CSRNP2: variants seen among roughly 807,000 people sequenced by gnomAD.
CSRNP2 encodes the protein cysteine and serine rich nuclear protein 2.
A neutral mutation model predicts 36.6 loss-of-function variants in CSRNP2; 11 were observed. The observed-to-expected ratio is 0.30, with a 90% CI of 0.19 to 0.50. The LOEUF is 0.50. Among genes scored for constraint, CSRNP2 ranks in the 20% least tolerant of loss-of-function variants. CSRNP2 has a pLI of 0.98. For missense variants in CSRNP2, 483 were observed against 691.4 expected, an observed-to-expected ratio of 0.70 and a Z score of 3.38; for synonymous variants, 248 against 275.3, an observed-to-expected ratio of 0.90 and a Z score of 0.98.
intron 4 of CSRNP2, among the ~76,000 whole-genome samples, chr12:51,065,033 T>C (rs767195105): frequency 2.6e-5 from 4 of 152,168 alleles, no homozygotes; most frequent in Non-Finnish European, 4.4e-5. Context: ...CAGAGGAAAT[T>C]TACGAGCCTC....
chr12:51,075,734 GAACT>G (rs1397920382), intron 2 of CSRNP2, among the ~76,000 whole-genome samples: 2 of 152,120 alleles, frequency 1.3e-5, no homozygotes, highest in Non-Finnish European at 2.9e-5. Context: ...TTCTTTCCAA[GAACT>G]AATAGAGCCG....
Position 51,067,972 on chromosome 12 carries a change from G to A in CSRNP2, c.412-3C>T, listed in dbSNP as rs771779280. 3 of 1,612,252 alleles carry A rather than the reference G, an allele frequency of 1.9e-6. No individual in the cohort carries two copies. The highest frequency in any genetic ancestry group is 1.7e-5 in the Admixed American group (1 of 59,978). On this transcript the variant is annotated splice_region_variant and splice_polypyrimidine_tract_variant and intron_variant, in intron 3 of 4. Transcript: ENST00000228515. The surrounding 1 kb of genome is among the most constrained non-coding windows in gnomAD (Gnocchi z 4.1). ...TCCACTGTCCCATTCTTGGTCAGCT[G>A]CCAAGAGACAGGAAAGGTTAGCCTC...
At chr12:51,078,431 A>G (rs1939483473) in intron 1 of CSRNP2, among the ~76,000 whole-genome samples, 1 of 152,214 alleles carries the variant, frequency 6.6e-6, no homozygotes, top group Non-Finnish European at 1.5e-5. Context: ...TAAAAACTGT[A>G]ATTAAATTAA....
intron 3 of CSRNP2, among the ~76,000 whole-genome samples, 155 bp from the exon 4 acceptor site, chr12:51,068,124 T>C (rs1339226494): frequency 1.3e-5 from 2 of 152,230 alleles, no homozygotes; most frequent in Non-Finnish European, 1.5e-5. Context: ...ATGTGGCTAC[T>C]GAGCACTAGA....
rs557035353 is a variant in CSRNP2, at chr12:51,066,286, C to G, written c.708+1387G>C. On this transcript the variant is annotated intron_variant, in intron 4 of 4. Coordinates refer to ENST00000228515, the MANE Select transcript of CSRNP2 (RefSeq NM_030809.3). ...TGGCCTACATGGTGAAACGCCGTCT[C>G]TACTAAAAATACAAAAATTAGCTGG... Among the ~76,000 whole-genome samples, 13 of 152,088 alleles carry G rather than the reference C, an allele frequency of 8.5e-5. No individual in the cohort carries two copies. In the East Asian group the frequency reaches 2.5e-3, roughly 29 times the overall value.
At position 51,067,528 on chromosome 12, in the gene CSRNP2, T is replaced by G; in HGVS notation, c.708+145A>C. ...GGCCGTGTGCTGTTTGCTTACTCTG[T>G]TGACGGAGGAGGGTTGTGGAACTGG... On this transcript the variant is annotated intron_variant, in intron 4 of 4. Transcript: ENST00000228515. The surrounding 1 kb of genome is among the most constrained non-coding windows in gnomAD (Gnocchi z 4.1). 1.4e-6 allele frequency: 1 copy of G among 732,740 alleles called. No homozygotes were observed. Among genetic ancestry groups the G allele is most frequent in the African/African-American group, 1.8e-5 (1 of 57,010 alleles). 45.4% of individuals were successfully genotyped at this position (732,740 alleles called of 1,614,324 possible). A position where few individuals can be genotyped will look rare whatever the true frequency, so the allele number is the denominator to read the frequency against.
intron 3 of CSRNP2, among the ~76,000 whole-genome samples, chr12:51,071,531 G>A (rs1350135450): frequency 1.3e-5 from 2 of 152,210 alleles, no homozygotes; most frequent in Non-Finnish European, 2.9e-5. Flanking sequence ...TTGGGAGGCT[G>A]AGGTGGGAGG....
At chr12:51,070,391 T>C (rs1366092307) in intron 3 of CSRNP2, among the ~76,000 whole-genome samples, 1 of 152,162 alleles carries the variant, frequency 6.6e-6, no homozygotes, top group Non-Finnish European at 1.5e-5. Flanking sequence ...ACAAAGGGCC[T>C]TTCTGTTTAT....
chr12:51,063,544 C>A lies in CSRNP2; in HGVS notation c.*202G>T. The A allele has an allele frequency of 2.4e-6, 1 of 423,576 alleles. No individual in the cohort carries two copies. Among genetic ancestry groups the A allele is most frequent in the Non-Finnish European group, 4.2e-6 (1 of 240,504 alleles). 26.2% of individuals were successfully genotyped at this position (423,576 alleles called of 1,614,324 possible). Reference sequence around the variant, plus strand: ...AGCTTTCTTTGCCCCAAGACTATCCCCAGATCAAGGTAGGGCTGGTCTCCT... The same window carrying A: ...AGCTTTCTTTGCCCCAAGACTATCCACAGATCAAGGTAGGGCTGGTCTCCT... On this transcript the variant is annotated 3_prime_UTR_variant, in exon 5 of 5. Coordinates refer to ENST00000228515, the MANE Select transcript of CSRNP2 (RefSeq NM_030809.3).
At chr12:51,068,753 T>C (rs1938678606) in intron 3 of CSRNP2, among the ~76,000 whole-genome samples, 1 of 151,976 alleles carries the variant, frequency 6.6e-6, no homozygotes, top group African/African-American at 2.4e-5. Context: ...CCCTTCAACT[T>C]GCACCCACTG....
At chr12:51,069,643 A>G (rs368638512) in intron 3 of CSRNP2, among the ~76,000 whole-genome samples, 1 of 150,374 alleles carries the variant, frequency 6.7e-6, no homozygotes, top group African/African-American at 2.5e-5. Context: ...GGTGGTATCA[A>G]TAATACTGAG....
intron 3 of CSRNP2, among the ~76,000 whole-genome samples, chr12:51,069,287 C>CTTT (rs71089740): frequency 2.1e-4 from 26 of 121,302 alleles, no homozygotes; most frequent in African/African-American, 6.9e-4. Context: ...CTTCTCCTTT[C>CTTT]TTTTTTTTTT....
At chr12:51,072,362 A>G (rs979980051) in intron 3 of CSRNP2, among the ~76,000 whole-genome samples, 1 of 151,810 alleles carries the variant, frequency 6.6e-6, no homozygotes, top group Non-Finnish European at 1.5e-5. Context: ...GACCGAACCC[A>G]TCCTGGCTAA....
rs1246738839 is a variant in CSRNP2 at position 51,067,329 on chromosome 12, G to A, written c.708+344C>T. Among the ~76,000 whole-genome samples, 3 of 152,078 alleles carry A rather than the reference G, an allele frequency of 2.0e-5. No homozygotes were observed. Among genetic ancestry groups the A allele is most frequent in the Non-Finnish European group, 4.4e-5 (3 of 68,010 alleles). On this transcript the variant is annotated intron_variant, in intron 4 of 4. Coordinates refer to ENST00000228515, the MANE Select transcript of CSRNP2 (RefSeq NM_030809.3). This position sits in a 1 kb window ranked among gnomAD's most constrained non-coding sequence, Gnocchi z 4.1. ...GATACCTCCACAGCCTAAGAATCCTGTCATGCTTGTTTTCTTTGCAAAAAT... is the reference window on the plus strand; with the variant it reads ...GATACCTCCACAGCCTAAGAATCCTATCATGCTTGTTTTCTTTGCAAAAAT...
At chr12:51,069,449 G>T (rs1938834611) in intron 3 of CSRNP2, among the ~76,000 whole-genome samples, 2 of 149,796 alleles carry the variant, frequency 1.3e-5, no homozygotes, top group African/African-American at 5.1e-5. Context: ...ACCATGCTCA[G>T]CTAATTTTTG....
In CSRNP2 at chr12:51,063,936, A is replaced by C. The variant is rs1419657689; in HGVS notation, c.1442T>G (p.Leu481Arg). The C allele has an allele frequency of 6.2e-7, 1 of 1,613,380 alleles. No homozygotes were observed. The highest frequency in any genetic ancestry group is 1.1e-5 in the South Asian group (1 of 91,060). ...ACAATCTTCGGGCAATAGAGCTTCT[A>C]GGGTGGGTGTTTTCCCCACCTCTGA... is the stretch of plus-strand genomic sequence containing the variant. ...CKSEVGKTPT[L>R]EALLPEDCNP... Residue 481 changes from leucine to arginine, a missense_variant, in exon 5 of 5, where the codon CTA (leucine) becomes CGA (arginine). Physicochemically the swap from Leu to Arg is moderately radical, Grantham distance 102. Coordinates refer to ENST00000228515, the MANE Select transcript of CSRNP2 (RefSeq NM_030809.3).
At chr12:51,079,212 G>A (rs551547901) in intron 1 of CSRNP2, among the ~76,000 whole-genome samples, 5 of 151,996 alleles carry the variant, frequency 3.3e-5, no homozygotes, top group Admixed American at 6.6e-5. Flanking sequence ...ATCACACACC[G>A]GGGCCTGTCG....
At chr12:51,080,375 G>A (rs1329653582) in intron 1 of CSRNP2, among the ~76,000 whole-genome samples, 1 of 151,972 alleles carries the variant, frequency 6.6e-6, no homozygotes, top group Non-Finnish European at 1.5e-5. Flanking sequence ...CCAGCTGCCC[G>A]CAGGAGTATC....
intron 2 of CSRNP2, among the ~76,000 whole-genome samples, chr12:51,075,248 A>T (rs1250431364): frequency 6.6e-6 from 1 of 151,912 alleles, no homozygotes; most frequent in African/African-American, 2.4e-5. Flanking sequence ...AGTAGCTGGG[A>T]CTACAGTTGC....
Sources: allele counts gnomAD v4.1 joint callset (sites outside exome capture counted in the v4.1 genomes callset), GRCh38; gene constraint gnomAD v4.1.1; non-coding constraint Gnocchi (gnomAD v3.1); transcripts MANE v1.5; gene names NCBI Gene and HGNC (gene_info 2026-07-23, HGNC 2026-07-21).